Variants in CDH11 observed in about 807,000 individuals in gnomAD.
CDH11 encodes the protein cadherin-11.
A neutral mutation model predicts 67.8 loss-of-function variants in CDH11; 11 were observed. The observed-to-expected ratio is 0.16, with a 90% CI of 0.10 to 0.27. The LOEUF is 0.27. CDH11 is among the 10% of genes least tolerant of loss of function. CDH11 has a pLI of 1.00. For synonymous variants in CDH11, 419 were observed against 400.0 expected (o/e 1.05, Z -0.57); for missense variants, 847 against 1,031.2 (o/e 0.82, Z 2.45).
chr16:65,005,944 T>C (rs1019516473), intron 2 of CDH11, among the ~76,000 whole-genome samples: 2 of 152,224 alleles, frequency 1.3e-5, no homozygotes, highest in African/African-American at 4.8e-5. Context: ...TTCACCTTTC[T>C]ACACTCCTCA....
At chr16:64,983,973 G>A (rs1025311) in intron 7 of CDH11, among the ~76,000 whole-genome samples, 69,271 of 152,036 alleles carry the variant, frequency 0.46, 16,746 homozygotes, top group East Asian at 0.79. Context: ...TGAGAACCTG[G>A]AGCTATTTTC....
At chr16:65,087,360 A>G (rs2074718506) in intron 1 of CDH11, among the ~76,000 whole-genome samples, 1 of 152,016 alleles carries the variant, frequency 6.6e-6, no homozygotes, top group African/African-American at 2.4e-5. Flanking sequence ...AATTCAGGGG[A>G]CTATGTAATT....
intron 4 of CDH11, 56 bp downstream of exon 4, chr16:64,998,506 C>G: frequency 6.5e-7 from 1 of 1,544,116 alleles, no homozygotes; most frequent in Non-Finnish European, 8.9e-7. Context: ...CTTCAGCCCA[C>G]CCACCACAGA....
intron 6 of CDH11, 35 bp downstream of exon 6, chr16:64,991,733 C>A (rs756013667): frequency 6.5e-7 from 1 of 1,545,994 alleles, no homozygotes; most frequent in Non-Finnish European, 8.9e-7. Flanking sequence ...GGCTGTGTCA[C>A]CATGGAAAAG....
At position 65,088,513 on chromosome 16, in the gene CDH11, C is replaced by G. The variant is rs2074739339; in HGVS notation, c.-298+33367G>C. Among the ~76,000 whole-genome samples the G allele has an allele frequency of 2.6e-5, 4 of 152,244 alleles. No individual in the cohort carries two copies. The South Asian group carries it at 8.3e-4, about 32-fold the overall frequency. ...GATAAATACTATACCACAAGTAATT[C>G]TCTACATTATTAAAAATATATTCAT... On this transcript the variant is annotated intron_variant, in intron 1 of 12. Transcript: ENST00000268603.
At chr16:64,962,986 G>A (rs1029017826) in intron 11 of CDH11, among the ~76,000 whole-genome samples, 1 of 152,096 alleles carries the variant, frequency 6.6e-6, no homozygotes, top group Non-Finnish European at 1.5e-5. Flanking sequence ...TATCCACATT[G>A]TTAAAGGCTT....
intron 2 of CDH11, among the ~76,000 whole-genome samples, chr16:65,035,753 T>C (rs959763978): frequency 6.6e-6 from 1 of 152,204 alleles, no homozygotes; most frequent in African/African-American, 2.4e-5. Context: ...AGGGTTATTA[T>C]TATCCTTGTT....
intron 2 of CDH11, among the ~76,000 whole-genome samples, chr16:65,021,140 C>T (rs780338497): frequency 3.3e-5 from 5 of 152,116 alleles, no homozygotes; most frequent in Non-Finnish European, 7.4e-5. Flanking sequence ...AGTGCTTCCC[C>T]ATAACTGCCA....
At chr16:65,067,722 GAGA>G (rs112447425) in intron 1 of CDH11, among the ~76,000 whole-genome samples, 10,381 of 137,506 alleles carry the variant, frequency 0.075, 743 homozygotes, top group African/African-American at 0.2. Context: ...GAAGGGAGAA[GAGA>G]AGAAGAAGGG....
In CDH11 at chr16:65,121,077, A is replaced by T. The variant is rs1259991242; in HGVS notation, c.-298+803T>A. Among the ~76,000 whole-genome samples, 1 of 151,924 alleles carries T rather than the reference A, an allele frequency of 6.6e-6. No homozygotes were observed. Among genetic ancestry groups the T allele is most frequent in the Non-Finnish European group, 1.5e-5 (1 of 67,970 alleles). ...CCGAGAAGCGGCGCAGGTTTCGGGA[A>T]GGTGTGGTTCTCAAAGTTAACGTTG... On this transcript the variant is annotated intron_variant, in intron 1 of 12. Transcript: ENST00000268603. The surrounding 1 kb of genome is among the most constrained non-coding windows in gnomAD (Gnocchi z 4.1).
chr16:64,996,483 CT>C (rs1228518923), intron 4 of CDH11, among the ~76,000 whole-genome samples: 1 of 112,764 alleles, frequency 8.9e-6, no homozygotes, highest in Non-Finnish European at 1.9e-5. Flanking sequence ...GAGCGAGACT[CT>C]GTCTCAGAAA....
chr16:64,944,908 A>G lies in CDH11; in HGVS notation c.*2695T>C, dbSNP rs755178031. ...AGGGCAAATAGGTAAATAGGTGATT[A>G]TAAGACAACAAGGTGGATACTTTGG... On this transcript the variant is annotated 3_prime_UTR_variant, in exon 13 of 13. Coordinates refer to ENST00000268603, the MANE Select transcript of CDH11 (RefSeq NM_001797.4). 5.0e-5 allele frequency: 11 copies of G among 218,680 alleles called. No homozygotes were observed. Among genetic ancestry groups the G allele is most frequent in the Admixed American group, 1.2e-4 (2 of 17,232 alleles). The allele number at this position is 218,680 out of a possible 1,614,324, so 13.5% of individuals were successfully genotyped here.
chr16:64,956,976 A>C (rs547246093), intron 11 of CDH11, among the ~76,000 whole-genome samples: 1 of 152,278 alleles, frequency 6.6e-6, no homozygotes, highest in East Asian at 1.9e-4. Context: ...TAGCCAAAAA[A>C]ATAAAAATAA....
chr16:65,029,697 TG>T (rs2073604360), intron 2 of CDH11, among the ~76,000 whole-genome samples: 1 of 152,248 alleles, frequency 6.6e-6, no homozygotes, highest in African/African-American at 2.4e-5. Flanking sequence ...TTGTTTATAC[TG>T]GATGAATGAA....
At chr16:65,053,648 G>A (rs760353531) in intron 2 of CDH11, among the ~76,000 whole-genome samples, 156 bp downstream of exon 2, 2 of 152,086 alleles carry the variant, frequency 1.3e-5, no homozygotes, top group African/African-American at 2.4e-5. Flanking sequence ...CCTCACTACC[G>A]AAAAACGTAG....
intron 2 of CDH11, among the ~76,000 whole-genome samples, chr16:65,046,985 T>C (rs562324775): frequency 1.3e-5 from 2 of 152,256 alleles, no homozygotes; most frequent in Non-Finnish European, 2.9e-5. Flanking sequence ...GGCATATGCC[T>C]GTAGTCCCAG....
intron 2 of CDH11, among the ~76,000 whole-genome samples, chr16:65,049,066 G>T (rs1345561840): frequency 6.6e-6 from 1 of 152,064 alleles, no homozygotes; most frequent in Non-Finnish European, 1.5e-5. Context: ...GGAGGAGGAG[G>T]GTTGAAAAAC....
intron 2 of CDH11, among the ~76,000 whole-genome samples, chr16:65,030,039 G>A (rs62042236): frequency 0.11 from 16,681 of 152,224 alleles, 1,212 homozygotes; most frequent in South Asian, 0.16. Context: ...ACTTTGTGCT[G>A]AAGTAGAAAA....
Position 64,950,972 on chromosome 16 carries a change from C to T in CDH11, c.1689G>A (p.Gln563=). 6.2e-7 allele frequency: 1 copy of T among 1,614,176 alleles called. No individual in the cohort carries two copies. Among genetic ancestry groups the T allele is most frequent in the East Asian group, 2.2e-5 (1 of 44,866 alleles). The stretch of plus-strand genomic sequence containing the variant: ...TGGGCAGAAGGTACAAGTCCTGCTT[C>T]TGCCGACTGAACCCTCCACGCCGGG... ...VYARRGGFSR[Q]KQDLYLLPIV... Residue 563 remains glutamine, a synonymous_variant, in exon 12 of 13, where the codon CAG becomes CAA. Coordinates refer to ENST00000268603, the MANE Select transcript of CDH11 (RefSeq NM_001797.4).
Sources: allele counts gnomAD v4.1 joint callset (sites outside exome capture counted in the v4.1 genomes callset), GRCh38; gene constraint gnomAD v4.1.1; non-coding constraint Gnocchi (gnomAD v3.1); transcripts MANE v1.5; gene names NCBI Gene and HGNC (gene_info 2026-07-23, HGNC 2026-07-21).